The following ADGRL2 variants were observed in gnomAD, a reference collection of about 807,000 sequenced individuals.
ADGRL2 encodes the protein calcium-independent alpha-latrotoxin receptor 2.
In ADGRL2, 44 loss-of-function variants were observed where a neutral mutation model predicts 157.4. The observed-to-expected ratio is 0.28, with a 90% CI of 0.22 to 0.36. The LOEUF (loss-of-function observed/expected upper bound fraction) is 0.36. ADGRL2 is among the 10% of genes least tolerant of loss of function. ADGRL2 has a pLI of 1.00. For synonymous variants in ADGRL2, 585 were observed against 624.7 expected (o/e 0.94, Z 0.95); for missense variants, 1,510 against 1,768.9 (o/e 0.85, Z 2.63).
chr1:81,484,502 C>G (rs1339213212), intron 2 of ADGRL2, among the ~76,000 whole-genome samples: 1 of 152,194 alleles, frequency 6.6e-6, no homozygotes, highest in Non-Finnish European at 1.5e-5. Context: ...GTAAACAACA[C>G]TTGGAAGGAT....
chr1:81,687,545 G>A (rs184224438), intron 3 of ADGRL2, among the ~76,000 whole-genome samples: 263 of 152,234 alleles, frequency 1.7e-3, no homozygotes, highest in African/African-American at 6.2e-3. Flanking sequence ...TAAGTGTTAG[G>A]TGAGTCTCCT....
At chr1:81,860,418 C>T (rs2150754984) in intron 2 of ADGRL2, among the ~76,000 whole-genome samples, 1 of 152,196 alleles carries the variant, frequency 6.6e-6, no homozygotes, top group Non-Finnish European at 1.5e-5. Context: ...CTCTGGTGAT[C>T]CTCCTGCCTT....
In ADGRL2 at chr1:81,817,176, A is replaced by C. The variant is rs2090493834; in HGVS notation, c.-101+16108A>C. The stretch of plus-strand genomic sequence containing the variant: ...TCTAAGTATTTTTCATCATTGTAGC[A>C]TACAATCAAAAATTGGTAAAATTTA... On this transcript the variant is annotated intron_variant, in intron 1 of 23. Coordinates refer to ENST00000686636, the MANE Select transcript of ADGRL2 (RefSeq NM_001366006.2). 2.6e-5 allele frequency among the ~76,000 whole-genome samples: 4 copies of C among 152,104 alleles called. No homozygotes were observed. The South Asian group carries it at 8.3e-4, about 31-fold the overall frequency.
chr1:81,420,496 C>T (rs570913689), intron 1 of ADGRL2, among the ~76,000 whole-genome samples: 1 of 152,182 alleles, frequency 6.6e-6, no homozygotes, highest in East Asian at 1.9e-4. Context: ...ACACTTCTTC[C>T]CTTTGAATTG....
chr1:81,966,130 C>T lies in ADGRL2; in HGVS notation c.2090C>T (p.Ala697Val), dbSNP rs1033232313. The change falls in exon 12 of 24, where the codon GCA becomes GTA. Residue 697 changes from alanine to valine, a missense_variant. Physicochemically the swap from Ala to Val is moderately conservative, Grantham distance 64. Transcript: ENST00000686636. The part of the protein sequence containing the change: ...DFKFPLGIKG[A>V]GSSIQLSANT... Reference sequence around the variant, plus strand: ...AAATTTCCTCTGGGCATCAAAGGAGCAGGCAGCTCAATCCAACTGTCCGCA... The same window carrying T: ...AAATTTCCTCTGGGCATCAAAGGAGTAGGCAGCTCAATCCAACTGTCCGCA... The T allele has an allele frequency of 1.2e-6, 2 of 1,613,894 alleles. No individual in the cohort carries two copies. Among genetic ancestry groups the T allele is most frequent in the Admixed American group, 1.7e-5 (1 of 60,006 alleles).
Position 81,990,913 on chromosome 1 carries a change from A to G in ADGRL2, c.4178A>G (p.Tyr1393Cys). The change falls in exon 24 of 24, where the codon TAT becomes TGT. Residue 1393 changes from tyrosine (Y) to cysteine (C), a missense_variant. Tyr to Cys is a radical substitution (Grantham distance 194, BLOSUM62 -2). Around this residue, in one of 4 missense-constraint regions of ADGRL2, gnomAD observed 327 missense variants for 310.1 expected, o/e 1.05. Coordinates refer to ENST00000686636, the MANE Select transcript of ADGRL2 (RefSeq NM_001366006.2). ...ATGCCCAATCTTAGAGACTCTCCCT[A>G]TCCGGAGAGCAGCCCTGACATGGAA... ...TSMPNLRDSPYPESSPDMEED... is the reference protein window; with the variant it reads ...TSMPNLRDSPCPESSPDMEED... 2 of 1,613,888 alleles carry G rather than the reference A, an allele frequency of 1.2e-6. No individual in the cohort carries two copies. Among genetic ancestry groups the G allele is most frequent in the East Asian group, 2.2e-5 (1 of 44,812 alleles).
chr1:81,887,569 T>TA (rs1387725950), intron 2 of ADGRL2, among the ~76,000 whole-genome samples: 1 of 152,154 alleles, frequency 6.6e-6, no homozygotes, highest in Non-Finnish European at 1.5e-5. Context: ...AGGAATGCAG[T>TA]AAAAATATAT....
intron 1 of ADGRL2, among the ~76,000 whole-genome samples, chr1:81,716,613 A>G (rs1244561638): frequency 2.0e-5 from 3 of 152,174 alleles, no homozygotes; most frequent in Non-Finnish European, 1.5e-5. Context: ...CAGTGCAACC[A>G]TCTGTGATTT....
intron 2 of ADGRL2, among the ~76,000 whole-genome samples, chr1:81,848,097 A>C (rs967279053): frequency 2.0e-5 from 3 of 151,796 alleles, no homozygotes; most frequent in African/African-American, 7.2e-5. Flanking sequence ...TAGTGGACAC[A>C]ATCTCCTTTT....
chr1:81,503,426 G>A (rs751361459), intron 2 of ADGRL2: 104 of 1,613,498 alleles, frequency 6.4e-5, no homozygotes, highest in Non-Finnish European at 7.9e-5. Flanking sequence ...ACCTCATCCC[G>A]GGGCACCCCC....
intron 2 of ADGRL2, among the ~76,000 whole-genome samples, chr1:81,530,506 C>T (rs1449475469): frequency 6.6e-6 from 1 of 151,976 alleles, no homozygotes; most frequent in Non-Finnish European, 1.5e-5. Flanking sequence ...CACCACCACA[C>T]CAGCTAATTG....
chr1:81,332,548 A>G (rs1217827437), intron 1 of ADGRL2, among the ~76,000 whole-genome samples: 2 of 152,162 alleles, frequency 1.3e-5, no homozygotes, highest in Non-Finnish European at 2.9e-5. Context: ...AAACCTCCTC[A>G]TGGAAATACA....
intron 2 of ADGRL2, among the ~76,000 whole-genome samples, chr1:81,539,098 G>C (rs1382955230): frequency 6.6e-6 from 1 of 151,850 alleles, no homozygotes; most frequent in Non-Finnish European, 1.5e-5. Context: ...CTTTGTGTTG[G>C]ATGTGAAACA....
chr1:81,768,982 G>C (rs1182462956), intron 2 of ADGRL2, among the ~76,000 whole-genome samples: 1 of 152,154 alleles, frequency 6.6e-6, no homozygotes, highest in East Asian at 1.9e-4. Flanking sequence ...CTACTTGGGA[G>C]GCTGAAGCAG....
chr1:81,571,805 G>A (rs1287837725), intron 2 of ADGRL2, among the ~76,000 whole-genome samples: 4 of 152,032 alleles, frequency 2.6e-5, no homozygotes, highest in Non-Finnish European at 5.9e-5. Flanking sequence ...TAGCTGACTT[G>A]AATTCTCTAG....
At chr1:81,701,135 A>T (rs2083563543) in intron 1 of ADGRL2, among the ~76,000 whole-genome samples, 1 of 152,208 alleles carries the variant, frequency 6.6e-6, no homozygotes, top group Non-Finnish European at 1.5e-5. Context: ...CTTTCTTTAA[A>T]TAATAAGCAC....
intron 1 of ADGRL2, among the ~76,000 whole-genome samples, chr1:81,408,326 A>T (rs4650542): frequency 1.1e-4 from 16 of 148,634 alleles, no homozygotes; most frequent in South Asian, 4.3e-4. Flanking sequence ...CATTTTTTTT[A>T]AATTTCTTCC....
intron 1 of ADGRL2, among the ~76,000 whole-genome samples, chr1:81,815,323 C>T (rs2090288988): frequency 1.3e-5 from 2 of 151,822 alleles, no homozygotes; most frequent in South Asian, 4.1e-4. Flanking sequence ...AAGACTTAGT[C>T]CAACATTTTA....
chr1:81,540,653 A>G (rs182000212), intron 2 of ADGRL2, among the ~76,000 whole-genome samples: 103 of 152,328 alleles, frequency 6.8e-4, no homozygotes, highest in African/African-American at 2.1e-3. Context: ...AGGCCCTAGG[A>G]ACCTGAGAAA....
Sources: gnomAD v4.1 joint callset for allele counts (sites outside exome capture counted in the v4.1 genomes callset) on GRCh38, gnomAD v4.1.1 for gene constraint, gnomAD v4.1.1 regional missense constraint, MANE v1.5 for transcripts, NCBI Gene and HGNC (gene_info 2026-07-23, HGNC 2026-07-21) for gene names.